WWOX: variants seen among roughly 807,000 people sequenced by gnomAD.
WWOX encodes the protein WW domain-containing oxidoreductase.
WWOX carries 69 observed loss-of-function variants against 46.2 expected under a neutral mutation model. That is an observed-to-expected ratio of 1.49 (90% CI 1.23 to 1.82). The LOEUF is 1.82. Ranked by LOEUF, WWOX falls within the 40% of genes most tolerant of loss-of-function variation. The pLI, the probability that WWOX is intolerant of heterozygous loss-of-function variation, is 0.00. For synonymous variants in WWOX, 359 were observed against 202.6 expected (o/e 1.77, Z -6.56); for missense variants, 919 against 542.6 (o/e 1.69, Z -6.89).
intron 8 of WWOX, among the ~76,000 whole-genome samples, chr16:79,120,730 C>A (rs184694780): frequency 3.9e-5 from 6 of 152,072 alleles, no homozygotes; most frequent in Admixed American, 1.3e-4. Context: ...ACTTGGACTT[C>A]CCTTCTGTCT....
chr16:78,146,718 T>C (rs1394987215), intron 4 of WWOX, among the ~76,000 whole-genome samples: 1 of 152,198 alleles, frequency 6.6e-6, no homozygotes. Flanking sequence ...TAAAAAGTGA[T>C]GGAGAATTTC....
intron 8 of WWOX, among the ~76,000 whole-genome samples, chr16:79,001,772 A>G (rs546163490): frequency 6.6e-6 from 1 of 152,236 alleles, no homozygotes; most frequent in Admixed American, 6.5e-5. Flanking sequence ...AGTTGGAGAA[A>G]GTACAAATGA....
chr16:78,221,962 A>G (rs2036903617), intron 5 of WWOX, among the ~76,000 whole-genome samples: 1 of 152,168 alleles, frequency 6.6e-6, no homozygotes, highest in East Asian at 1.9e-4. Flanking sequence ...TGTCTTCCAA[A>G]CCAAGAATAT....
intron 5 of WWOX, among the ~76,000 whole-genome samples, chr16:78,250,481 C>G (rs2037954957): frequency 6.6e-6 from 1 of 151,924 alleles, no homozygotes; most frequent in Non-Finnish European, 1.5e-5. Context: ...CAGTGCCCAA[C>G]AGATAGAAAC....
intron 8 of WWOX, among the ~76,000 whole-genome samples, chr16:78,876,671 T>C (rs1364761040): frequency 6.6e-6 from 1 of 152,196 alleles, no homozygotes; most frequent in Non-Finnish European, 1.5e-5. Context: ...CTATTAAAGA[T>C]TTGCCATTCT....
At chr16:78,574,865 C>T (rs907545160) in intron 8 of WWOX, among the ~76,000 whole-genome samples, 2 of 148,892 alleles carry the variant, frequency 1.3e-5, no homozygotes, top group Non-Finnish European at 3.0e-5. Flanking sequence ...TAAACCAGTT[C>T]TGGAGATCTA....
At chr16:78,725,126 C>G (rs1269183127) in intron 8 of WWOX, among the ~76,000 whole-genome samples, 1 of 152,034 alleles carries the variant, frequency 6.6e-6, no homozygotes, top group Non-Finnish European at 1.5e-5. Flanking sequence ...GTGAATGAAT[C>G]TCATGAGATC....
intron 5 of WWOX, among the ~76,000 whole-genome samples, chr16:78,369,596 A>T (rs1186500783): frequency 6.6e-6 from 1 of 152,158 alleles, no homozygotes; most frequent in Admixed American, 6.5e-5. Context: ...TTTCTCATTA[A>T]TGTCTGGGCA....
chr16:78,213,508 C>T lies in WWOX; in HGVS notation c.516+49219C>T, dbSNP rs139225162. On this transcript the variant is annotated intron_variant, in intron 5 of 8. Coordinates refer to ENST00000566780, the MANE Select transcript of WWOX (RefSeq NM_016373.4). The stretch of plus-strand genomic sequence containing the variant: ...TGAAGATCAGGATACTTATGAGCAG[C>T]GCTCACAACTGCCATAGTGGCAATG... 2.7e-3 allele frequency among the ~76,000 whole-genome samples: 417 copies of T among 151,746 alleles called. 1 individual carries two copies. Among genetic ancestry groups the T allele is most frequent in the African/African-American group, 9.1e-3 (377 of 41,398 alleles).
chr16:78,719,148 G>C (rs552909669), intron 8 of WWOX, among the ~76,000 whole-genome samples: 2 of 152,282 alleles, frequency 1.3e-5, no homozygotes, highest in South Asian at 4.1e-4. Flanking sequence ...GTGTGATTGT[G>C]GGTGATCTCT....
At chr16:78,831,422 A>G (rs2051820857) in intron 8 of WWOX, among the ~76,000 whole-genome samples, 1 of 152,228 alleles carries the variant, frequency 6.6e-6, no homozygotes, top group African/African-American at 2.4e-5. Context: ...ATGATGTCTT[A>G]AGATGCTTAG....
At chr16:78,709,353 G>C (rs1202700546) in intron 8 of WWOX, among the ~76,000 whole-genome samples, 2 of 152,220 alleles carry the variant, frequency 1.3e-5, no homozygotes, top group Non-Finnish European at 2.9e-5. Flanking sequence ...GGAGTTGTCT[G>C]GCTGAAGGAA....
intron 8 of WWOX, among the ~76,000 whole-genome samples, chr16:78,589,773 G>T (rs2045307549): frequency 6.6e-6 from 1 of 152,160 alleles, no homozygotes; most frequent in Non-Finnish European, 1.5e-5. Context: ...TAATAGGTTG[G>T]TCATCTCTCT....
intron 8 of WWOX, among the ~76,000 whole-genome samples, chr16:78,557,219 T>G (rs537348208): frequency 5.1e-4 from 75 of 147,814 alleles, no homozygotes; most frequent in African/African-American, 1.7e-3. Flanking sequence ...GAAAGACCAA[T>G]TATCATGATT....
intron 8 of WWOX, among the ~76,000 whole-genome samples, chr16:78,628,465 G>GATAT (rs1179664483): frequency 2.0e-5 from 3 of 152,278 alleles, no homozygotes; most frequent in Non-Finnish European, 2.9e-5. Flanking sequence ...AAGGGGACCT[G>GATAT]ATATATACAT....
chr16:78,120,467 G>A (rs7192787), intron 4 of WWOX, among the ~76,000 whole-genome samples: 20,640 of 151,944 alleles, frequency 0.14, 1,629 homozygotes, highest in East Asian at 0.22. Context: ...CTACTCGGGA[G>A]GCTGAGGCAG....
intron 8 of WWOX, among the ~76,000 whole-genome samples, chr16:78,607,888 G>C (rs953142122): frequency 6.6e-5 from 10 of 152,064 alleles, no homozygotes; most frequent in African/African-American, 2.4e-4. Context: ...GAGCTTGTCG[G>C]GGACCTGCAC....
At position 78,499,126 on chromosome 16, in the gene WWOX, C is replaced by G. The variant is rs77339652; in HGVS notation, c.1056+66374C>G. 7.9e-4 allele frequency among the ~76,000 whole-genome samples: 121 copies of G among 152,230 alleles called. 1 individual carries two copies. The East Asian group carries it at 0.013, about 17-fold the overall frequency. ...AGCTGAATTTTCCTAAGTATGAAAA[C>G]CATGTGGGCCCTTCTCTTTCCTCGT... On this transcript the variant is annotated intron_variant, in intron 8 of 8. Coordinates refer to ENST00000566780, the MANE Select transcript of WWOX (RefSeq NM_016373.4).
At chr16:78,905,067 T>G (rs2044926948) in intron 8 of WWOX, among the ~76,000 whole-genome samples, 1 of 152,174 alleles carries the variant, frequency 6.6e-6, no homozygotes, top group Admixed American at 6.5e-5. Context: ...AATGTGAGTC[T>G]CTGAGACTTG....
Sources: gnomAD v4.1 joint callset for allele counts (sites outside exome capture counted in the v4.1 genomes callset) on GRCh38, gnomAD v4.1.1 for gene constraint, MANE v1.5 for transcripts, NCBI Gene and HGNC (gene_info 2026-07-23, HGNC 2026-07-21) for gene names.